The following NKAIN2 variants were observed in gnomAD, a reference collection of about 807,000 sequenced individuals.
NKAIN2 encodes sodium/potassium transporting ATPase interacting 2.
In NKAIN2, 14 loss-of-function variants were observed where a neutral mutation model predicts 32.6. The ratio of observed to expected loss-of-function variants is 0.43; its 90% CI spans 0.28 to 0.67. The LOEUF (loss-of-function observed/expected upper bound fraction) is 0.67, where lower values mean the gene tolerates loss of function less well. NKAIN2 is among the 30% of genes least tolerant of loss of function. The pLI, the probability that NKAIN2 is intolerant of heterozygous loss-of-function variation, is 0.17. For synonymous variants in NKAIN2, 80 were observed against 87.2 expected (o/e 0.92, Z 0.46); for missense variants, 198 against 258.3 (o/e 0.77, Z 1.60).
chr6:124,048,405 AAAGGC>A (rs1346799676), intron 1 of NKAIN2, among the ~76,000 whole-genome samples: 1 of 152,014 alleles, frequency 6.6e-6, no homozygotes, highest in Non-Finnish European at 1.5e-5. Context: ...AAATAAGAAG[AAAGGC>A]AAGGAGAGCC....
At chr6:124,457,115 A>G (rs1776353828) in intron 3 of NKAIN2, among the ~76,000 whole-genome samples, 1 of 151,912 alleles carries the variant, frequency 6.6e-6, no homozygotes, top group African/African-American at 2.4e-5. Context: ...CACAGGAGGT[A>G]GGGCTACATA....
rs561930936 is a variant in NKAIN2 at position 124,163,225 on chromosome 6, G to A, written c.55-119780G>A. Reference sequence around the variant, plus strand: ...GACAGGTGATTTTTTTTTCATCTGAGGAAATAAATATACTGTAGTTAAAAA... The same window carrying A: ...GACAGGTGATTTTTTTTTCATCTGAAGAAATAAATATACTGTAGTTAAAAA... On this transcript the variant is annotated intron_variant, in intron 1 of 6. Transcript: ENST00000368417. Among the ~76,000 whole-genome samples, 11 of 151,660 alleles carry A rather than the reference G, an allele frequency of 7.3e-5. No homozygotes were observed. The East Asian group carries it at 1.9e-3, about 27-fold the overall frequency.
intron 1 of NKAIN2, among the ~76,000 whole-genome samples, chr6:124,141,651 T>C (rs1259033612): frequency 2.6e-5 from 4 of 152,114 alleles, no homozygotes; most frequent in African/African-American, 9.7e-5. Context: ...GCATTTTAAG[T>C]GTGGGAACTG....
intron 2 of NKAIN2, among the ~76,000 whole-genome samples, chr6:124,292,736 C>A (rs1795876628): frequency 6.6e-6 from 1 of 152,078 alleles, no homozygotes; most frequent in Admixed American, 6.6e-5. Context: ...ATAAGAGGTT[C>A]ATGCATTCTG....
chr6:124,486,016 A>T (rs903990103), intron 3 of NKAIN2, among the ~76,000 whole-genome samples: 3 of 152,160 alleles, frequency 2.0e-5, no homozygotes, highest in Admixed American at 1.3e-4. Flanking sequence ...TCCATCCTCA[A>T]TGAGCCGACT....
chr6:124,380,939 C>T (rs1301111250), intron 3 of NKAIN2, among the ~76,000 whole-genome samples: 1 of 152,142 alleles, frequency 6.6e-6, no homozygotes, highest in Admixed American at 6.6e-5. Context: ...TAAAAGACTA[C>T]CACTTGTATC....
intron 4 of NKAIN2, among the ~76,000 whole-genome samples, chr6:124,764,872 A>T (rs1287538215): frequency 5.9e-5 from 9 of 152,194 alleles, no homozygotes; most frequent in Admixed American, 5.9e-4. Flanking sequence ...TTAATGCAAA[A>T]AAAAACCTAT....
At chr6:123,819,759 T>G (rs1773848226) in intron 1 of NKAIN2, among the ~76,000 whole-genome samples, 1 of 152,146 alleles carries the variant, frequency 6.6e-6, no homozygotes, top group African/African-American at 2.4e-5. Context: ...GAGTAGCTTT[T>G]AAAAGTAGAA....
intron 4 of NKAIN2, among the ~76,000 whole-genome samples, chr6:124,723,858 G>A (rs1311197330): frequency 6.6e-6 from 1 of 152,138 alleles, no homozygotes; most frequent in Admixed American, 6.5e-5. Context: ...CCAAAATGCT[G>A]GGCATCTTTC....
chr6:124,119,877 A>G (rs986808198), intron 1 of NKAIN2, among the ~76,000 whole-genome samples: 1 of 152,126 alleles, frequency 6.6e-6, no homozygotes, highest in African/African-American at 2.4e-5. Flanking sequence ...TAGTGTCCAT[A>G]AGAAACAAAT....
At chr6:124,264,397 G>A (rs1443755875) in intron 1 of NKAIN2, among the ~76,000 whole-genome samples, 1 of 151,952 alleles carries the variant, frequency 6.6e-6, no homozygotes, top group Non-Finnish European at 1.5e-5. Context: ...GCCATAGTTG[G>A]CAAATATATA....
intron 3 of NKAIN2, among the ~76,000 whole-genome samples, chr6:124,558,031 G>A (rs1234747326): frequency 6.6e-6 from 1 of 152,214 alleles, no homozygotes; most frequent in Non-Finnish European, 1.5e-5. Context: ...AAACAAAAGA[G>A]AGTGTGTTAT....
In NKAIN2 at chr6:124,823,254, C is replaced by T. The variant is rs762695313; in HGVS notation, c.*25C>T. On this transcript the variant is annotated 3_prime_UTR_variant, in exon 7 of 7. Transcript: ENST00000368417. Reference sequence around the variant, plus strand: ...ATACAGATGACTTCAGTATGTCAGCCCATGGACCTTTCAAAGAACTTTTTT... The same window carrying T: ...ATACAGATGACTTCAGTATGTCAGCTCATGGACCTTTCAAAGAACTTTTTT... The T allele has an allele frequency of 1.9e-6, 3 of 1,568,808 alleles. No homozygotes were observed. The South Asian group carries it at 3.3e-5, about 17-fold the overall frequency.
intron 1 of NKAIN2, among the ~76,000 whole-genome samples, chr6:123,850,056 C>G (rs987070754): frequency 6.7e-6 from 1 of 149,386 alleles, no homozygotes; most frequent in Non-Finnish European, 1.5e-5. Flanking sequence ...AGTCCTCCTG[C>G]CTCAGTCTTC....
rs191890292 is a variant in NKAIN2 at position 124,239,809 on chromosome 6, G to A, written c.55-43196G>A. Among the ~76,000 whole-genome samples the A allele has an allele frequency of 2.9e-3, 439 of 152,102 alleles. 1 individual carries two copies. The highest frequency in any genetic ancestry group is 0.01 in the African/African-American group (422 of 41,506). ...GAGAAAGCGGGAAAGATCTAAAATC[G>A]ACATCCTACCATCACAATTAAAAGA... On this transcript the variant is annotated intron_variant, in intron 1 of 6. Transcript: ENST00000368417.
At chr6:123,928,208 C>T (rs1190048257) in intron 1 of NKAIN2, among the ~76,000 whole-genome samples, 1 of 152,100 alleles carries the variant, frequency 6.6e-6, no homozygotes, top group African/African-American at 2.4e-5. Context: ...ATTGAGTACT[C>T]ATGGACATAA....
chr6:124,470,329 A>G (rs892948100), intron 3 of NKAIN2, among the ~76,000 whole-genome samples: 3 of 152,086 alleles, frequency 2.0e-5, no homozygotes, highest in African/African-American at 7.2e-5. Context: ...CAAGATAAAT[A>G]ATTCAAGCAG....
At chr6:124,650,704 C>T (rs1238796233) in intron 3 of NKAIN2, among the ~76,000 whole-genome samples, 1 of 152,134 alleles carries the variant, frequency 6.6e-6, no homozygotes, top group Admixed American at 6.6e-5. Context: ...CTTGTTATGC[C>T]CCACCTCCCA....
At chr6:124,060,072 C>T (rs977892888) in intron 1 of NKAIN2, among the ~76,000 whole-genome samples, 2 of 152,080 alleles carry the variant, frequency 1.3e-5, no homozygotes, top group Non-Finnish European at 2.9e-5. Context: ...TTTCTTTGTA[C>T]TTAGTACAAC....
Sources: gnomAD v4.1 joint callset for allele counts (sites outside exome capture counted in the v4.1 genomes callset) on GRCh38, gnomAD v4.1.1 for gene constraint, MANE v1.5 for transcripts, NCBI Gene and HGNC (gene_info 2026-07-23, HGNC 2026-07-21) for gene names.